NR3C2: variants seen among roughly 807,000 people sequenced by gnomAD.
The protein encoded by NR3C2 is mineralocorticoid receptor.
NR3C2 carries 15 observed loss-of-function variants against 86.4 expected under a neutral mutation model. The ratio of observed to expected loss-of-function variants is 0.17; its 90% CI spans 0.12 to 0.27. NR3C2 has a LOEUF of 0.27. Ranked by LOEUF, NR3C2 falls within the 10% of genes least tolerant of loss-of-function variation. The pLI is 1.00. For synonymous variants in NR3C2, 458 were observed against 450.5 expected (o/e 1.02, Z -0.21); for missense variants, 960 against 1,195.6 (o/e 0.80, Z 2.91).
chr4:148,198,917 A>T (rs1191991968), intron 3 of NR3C2, among the ~76,000 whole-genome samples: 1 of 151,608 alleles, frequency 6.6e-6, no homozygotes, highest in Non-Finnish European at 1.5e-5. Context: ...CATCTCTACT[A>T]AAAATATAAA....
At chr4:148,105,482 T>C (rs1302732048) in intron 8 of NR3C2, among the ~76,000 whole-genome samples, 1 of 152,196 alleles carries the variant, frequency 6.6e-6, no homozygotes, top group South Asian at 2.1e-4. Flanking sequence ...TCTGAAACTA[T>C]TTCAAACAAT....
chr4:148,291,224 A>C (rs893246257), intron 2 of NR3C2, among the ~76,000 whole-genome samples: 3 of 152,070 alleles, frequency 2.0e-5, no homozygotes, highest in Non-Finnish European at 2.9e-5. Context: ...ACCTGTAATT[A>C]GATTATGACT....
At chr4:148,094,301 G>A (rs1731184393) in intron 8 of NR3C2, among the ~76,000 whole-genome samples, 1 of 152,224 alleles carries the variant, frequency 6.6e-6, no homozygotes, top group African/African-American at 2.4e-5. Flanking sequence ...GCAGTGCTTT[G>A]GAGGACAGTA....
chr4:148,442,523 A>T (rs1750405868), upstream of NR3C2: 2 of 428,792 alleles, frequency 4.7e-6, no homozygotes, highest in African/African-American at 4.3e-5. Context: ...GCCCTTTTAA[A>T]AGCGGGTCAC....
At chr4:148,137,690 G>A (rs1235809985) in intron 6 of NR3C2, among the ~76,000 whole-genome samples, 1 of 152,186 alleles carries the variant, frequency 6.6e-6, no homozygotes, top group Non-Finnish European at 1.5e-5. Flanking sequence ...ATTGTGGTCT[G>A]AGGACGCCAG....
intron 2 of NR3C2, among the ~76,000 whole-genome samples, chr4:148,387,963 T>G (rs1356266294): frequency 1.3e-5 from 2 of 152,222 alleles, no homozygotes; most frequent in African/African-American, 2.4e-5. Flanking sequence ...GGTCAGAATA[T>G]GAACACATCA....
intron 4 of NR3C2, among the ~76,000 whole-genome samples, chr4:148,164,514 A>G (rs1227932687): frequency 6.6e-6 from 1 of 152,222 alleles, no homozygotes; most frequent in East Asian, 1.9e-4. Flanking sequence ...ATGTATGTGC[A>G]TGTGTAAAAC....
At chr4:148,178,598 GTCAAAATGTTTC>G (rs1422007870) in intron 4 of NR3C2, among the ~76,000 whole-genome samples, 1 of 151,560 alleles carries the variant, frequency 6.6e-6, no homozygotes, top group Non-Finnish European at 1.5e-5. Context: ...GAAAAATTGG[GTCAAAATGTTTC>G]TCAAAAGGTT....
Position 148,163,201 on chromosome 4 carries a change from C to T in NR3C2, c.2015-8300G>A, listed in dbSNP as rs147205636. On this transcript the variant is annotated intron_variant, in intron 4 of 8. Coordinates refer to ENST00000358102, the MANE Select transcript of NR3C2 (RefSeq NM_000901.5). ...GCTTGGAATGTACTACTAGCAAGAA[C>T]ATGTACTATTCTTTTCTAAAAATTC... Among the ~76,000 whole-genome samples the T allele has an allele frequency of 3.0e-3, 462 of 152,276 alleles. 1 individual carries two copies. The highest frequency in any genetic ancestry group is 0.01 in the African/African-American group (430 of 41,560).
intron 2 of NR3C2, among the ~76,000 whole-genome samples, chr4:148,353,924 T>C (rs1031304661): frequency 1.3e-5 from 2 of 152,202 alleles, no homozygotes; most frequent in African/African-American, 4.8e-5. Context: ...GGCTCTTTAA[T>C]TTAGGGATGA....
chr4:148,280,789 C>T (rs905991418), intron 2 of NR3C2, among the ~76,000 whole-genome samples: 3 of 152,152 alleles, frequency 2.0e-5, no homozygotes, highest in African/African-American at 7.2e-5. Flanking sequence ...TACAAGTGTG[C>T]ACCACTGCAC....
intron 2 of NR3C2, among the ~76,000 whole-genome samples, chr4:148,350,083 C>T (rs901868665): frequency 6.6e-6 from 1 of 152,272 alleles, no homozygotes; most frequent in African/African-American, 2.4e-5. Flanking sequence ...GTCCCAGGTG[C>T]TTTATGCTCA....
intron 3 of NR3C2, among the ~76,000 whole-genome samples, chr4:148,232,848 C>T (rs563636626): frequency 5.3e-5 from 8 of 152,334 alleles, no homozygotes; most frequent in East Asian, 1.9e-4. Context: ...AGTGCTGCTT[C>T]GCCTTGCACT....
intron 2 of NR3C2, among the ~76,000 whole-genome samples, chr4:148,421,793 G>T (rs1211093798): frequency 6.6e-6 from 1 of 152,156 alleles, no homozygotes; most frequent in East Asian, 1.9e-4. Flanking sequence ...AATCACAGAG[G>T]CTAGGCCATG....
At chr4:148,219,148 T>C (rs1321838932) in intron 3 of NR3C2, among the ~76,000 whole-genome samples, 1 of 152,248 alleles carries the variant, frequency 6.6e-6, no homozygotes, top group Non-Finnish European at 1.5e-5. Flanking sequence ...ATTGTTATTG[T>C]AGCCTCTTAG....
In NR3C2 at chr4:148,436,642, G is replaced by A; in HGVS notation, c.219C>T (p.Cys73=). The part of the protein sequence containing the change: ...SSKEKQELLP[C]LQQDNNRPGI... The stretch of plus-strand genomic sequence containing the variant: ...CAGGCCGATTATTGTCTTGCTGAAG[G>A]CAAGGGAGTAGTTCTTGTTTTTCTT... Residue 73 remains cysteine, a synonymous_variant, in exon 2 of 9, where the codon TGC becomes TGT. Transcript: ENST00000358102. 1.2e-6 allele frequency: 2 copies of A among 1,614,176 alleles called. No individual in the cohort carries two copies. Among genetic ancestry groups the A allele is most frequent in the East Asian group, 2.2e-5 (1 of 44,878 alleles).
chr4:148,334,820 C>T (rs551340675), intron 2 of NR3C2, among the ~76,000 whole-genome samples: 2 of 152,134 alleles, frequency 1.3e-5, no homozygotes, highest in Admixed American at 6.5e-5. Flanking sequence ...AGTCCGAGTT[C>T]GAGATGTTAG....
chr4:148,393,430 G>A (rs1361243120), intron 2 of NR3C2, among the ~76,000 whole-genome samples: 1 of 152,102 alleles, frequency 6.6e-6, no homozygotes, highest in East Asian at 1.9e-4. Context: ...CATTTTAAAA[G>A]CTTTGCAAAT....
intron 8 of NR3C2, among the ~76,000 whole-genome samples, chr4:148,095,005 AG>A (rs538311766): frequency 2.6e-4 from 39 of 152,334 alleles, no homozygotes; most frequent in Non-Finnish European, 5.1e-4. Flanking sequence ...CCAAATTCAT[AG>A]AAACAAAGCA....
Sources: allele counts gnomAD v4.1 joint callset (sites outside exome capture counted in the v4.1 genomes callset), GRCh38; gene constraint gnomAD v4.1.1; transcripts MANE v1.5; gene names NCBI Gene and HGNC (gene_info 2026-07-23, HGNC 2026-07-21).